RASGEF1A: variants seen among roughly 807,000 people sequenced by gnomAD.
RASGEF1A encodes ras-GEF domain-containing family member 1A.
RASGEF1A carries 18 observed loss-of-function variants against 56.4 expected under a neutral mutation model. The observed-to-expected ratio is 0.32, with a 90% CI of 0.22 to 0.47. RASGEF1A has a LOEUF of 0.47. Ranked by LOEUF, RASGEF1A falls within the 20% of genes least tolerant of loss-of-function variation. The pLI, the probability that RASGEF1A is intolerant of heterozygous loss-of-function variation, is 1.00. For missense variants in RASGEF1A, 422 were observed against 627.1 expected (o/e 0.67, Z 3.49); for synonymous variants, 245 against 242.6 (o/e 1.01, Z -0.09).
intron 1 of RASGEF1A, among the ~76,000 whole-genome samples, chr10:43,226,592 TCCCATTGTCCTGGAA>T (rs943350098): frequency 2.0e-5 from 3 of 151,304 alleles, no homozygotes; most frequent in African/African-American, 7.3e-5. Flanking sequence ...GCCTCTGAAC[TCCCATTGTCCTGGAA>T]CCCACAGGGA....
intron 1 of RASGEF1A, among the ~76,000 whole-genome samples, chr10:43,210,471 CTCAA>C (rs1394940850): frequency 2.0e-5 from 3 of 152,194 alleles, no homozygotes; most frequent in Non-Finnish European, 4.4e-5. Flanking sequence ...CAGACCCTGC[CTCAA>C]TCAATCAATA....
At chr10:43,213,365 A>G (rs1279501497) in intron 1 of RASGEF1A, among the ~76,000 whole-genome samples, 1 of 152,214 alleles carries the variant, frequency 6.6e-6, no homozygotes, top group Admixed American at 6.5e-5. Flanking sequence ...CATATGAATA[A>G]AAGAAAAGAA....
intron 1 of RASGEF1A, among the ~76,000 whole-genome samples, chr10:43,227,096 G>A (rs1025160981): frequency 2.0e-5 from 3 of 152,192 alleles, no homozygotes; most frequent in African/African-American, 7.2e-5. Context: ...AGTGGGTTAA[G>A]GGGGAAAAGG....
At chr10:43,229,342 G>T (rs959727562) in intron 1 of RASGEF1A, among the ~76,000 whole-genome samples, 6 of 152,216 alleles carry the variant, frequency 3.9e-5, no homozygotes, top group Admixed American at 3.9e-4. Context: ...CGCCCCTCAA[G>T]TCGTCCGGGC....
intron 1 of RASGEF1A, among the ~76,000 whole-genome samples, chr10:43,264,512 G>A (rs1442880039): frequency 6.6e-6 from 1 of 151,758 alleles, no homozygotes; most frequent in Non-Finnish European, 1.5e-5. Flanking sequence ...TCCCCAGCAG[G>A]GAGTGGGCAG....
chr10:43,197,953 A>G, intron 10 of RASGEF1A, 51 bp downstream of exon 10: 1 of 1,495,556 alleles, frequency 6.7e-7, no homozygotes, highest in South Asian at 1.2e-5. Context: ...TGGCGGCTCC[A>G]GTAGCTCAGA....
In RASGEF1A at chr10:43,201,878, T is replaced by G. The variant is rs752681979; in HGVS notation, c.389A>C (p.Tyr130Ser). 6.2e-7 allele frequency: 1 copy of G among 1,612,300 alleles called. No homozygotes were observed. The highest frequency in any genetic ancestry group is 1.7e-5 in the Admixed American group (1 of 59,944). ...CATGGCCTTCTCATCCTGGAAGTCA[T>G]AGGGGAAGGCCTCGGTCCACTCCTT... ...LLKEWTEAFPYDFQDEKAMAE... is the reference protein window; with the variant it reads ...LLKEWTEAFPSDFQDEKAMAE... The change falls in exon 4 of 13, where the codon TAT becomes TCT. Residue 130 changes from tyrosine (Y) to serine (S), a missense_variant. Physicochemically the swap from Tyr to Ser is moderately radical, Grantham distance 144. Transcript: ENST00000395810.
In RASGEF1A at chr10:43,196,945, G is replaced by C. The variant is rs1472986306; in HGVS notation, c.1348+31C>G. Reference sequence around the variant, plus strand: ...CTGGACAAGGAGTCAGGTGGGGTGGGAGGCATGCTGCGTTGGGAGGCAGCC... The same window carrying C: ...CTGGACAAGGAGTCAGGTGGGGTGGCAGGCATGCTGCGTTGGGAGGCAGCC... On this transcript the variant is annotated intron_variant, in intron 11 of 12. Transcript: ENST00000395810. The surrounding 1 kb of genome is among the most constrained non-coding windows in gnomAD (Gnocchi z 4.6). 5 of 1,609,692 alleles carry C rather than the reference G, an allele frequency of 3.1e-6. No individual in the cohort carries two copies. Among genetic ancestry groups the C allele is most frequent in the Non-Finnish European group, 4.2e-6 (5 of 1,178,662 alleles).
intron 1 of RASGEF1A, among the ~76,000 whole-genome samples, chr10:43,265,009 C>T (rs950683456): frequency 4.6e-5 from 7 of 152,208 alleles, no homozygotes; most frequent in African/African-American, 1.2e-4. Flanking sequence ...TGCTCAGGGG[C>T]TCCTGGCCAC....
intron 1 of RASGEF1A, among the ~76,000 whole-genome samples, chr10:43,251,835 G>T (rs1458945007): frequency 6.6e-6 from 1 of 152,208 alleles, no homozygotes; most frequent in South Asian, 2.1e-4. Context: ...GCACTGGTGT[G>T]GACCAGACCC....
intron 1 of RASGEF1A, among the ~76,000 whole-genome samples, chr10:43,244,619 A>G (rs7093409): frequency 0.18 from 26,275 of 142,718 alleles, 3,761 homozygotes; most frequent in East Asian, 0.51. Context: ...ACCACAATAA[A>G]ATAACAGAAG....
intron 1 of RASGEF1A, among the ~76,000 whole-genome samples, chr10:43,244,350 C>A (rs532040516): frequency 1.3e-5 from 2 of 150,168 alleles, no homozygotes; most frequent in African/African-American, 4.9e-5. Flanking sequence ...CTGCCACATC[C>A]CCCTCTCTGA....
chr10:43,199,140 G>A lies in RASGEF1A; in HGVS notation c.904C>T (p.Arg302Trp), dbSNP rs1230580317. Residue 302 changes from arginine (R) to tryptophan (W), a missense_variant, in exon 8 of 13, where the codon CGG (arginine) becomes TGG (tryptophan). This residue lies in a region of RASGEF1A where 149 missense variants were observed against 287.2 expected (regional missense o/e 0.52). Transcript: ENST00000395810. ...RMLEFFIDVA[R>W]ECFNIGNFNS... ...AAGTTCCCGATGTTGAAGCACTCCC[G>A]GGCCACATCAATGAAGAACTCCAAC... 2.5e-6 allele frequency: 4 copies of A among 1,613,812 alleles called. No individual in the cohort carries two copies. Among genetic ancestry groups the A allele is most frequent in the Non-Finnish European group, 3.4e-6 (4 of 1,179,998 alleles).
rs1413774188 is a variant in RASGEF1A at position 43,200,189 on chromosome 10, T to G, written c.749A>C (p.Asn250Thr). The G allele has an allele frequency of 6.2e-7, 1 of 1,600,348 alleles. No individual in the cohort carries two copies. The highest frequency in any genetic ancestry group is 8.5e-7 in the Non-Finnish European group (1 of 1,172,630). Residue 250 changes from asparagine to threonine, a missense_variant, in exon 6 of 13, where the codon AAC becomes ACC. This residue lies in a region of RASGEF1A where 273 missense variants were observed against 339.9 expected (regional missense o/e 0.80). Coordinates refer to ENST00000395810, the MANE Select transcript of RASGEF1A (RefSeq NM_145313.4). ...QIVSHMDSLD[N>T]HRCRGDLTKT... ...AGGCCTTGGCCCACTTACCCTGTGG[T>G]TGTCCAAGGAGTCCATGTGGCTGAC...
At chr10:43,244,774 A>C (rs1840551439) in intron 1 of RASGEF1A, among the ~76,000 whole-genome samples, 1 of 152,206 alleles carries the variant, frequency 6.6e-6, no homozygotes, top group African/African-American at 2.4e-5. Flanking sequence ...TGGACATGAA[A>C]ACATAACATG....
chr10:43,196,228 G>T lies in RASGEF1A; in HGVS notation c.*16C>A. 1 of 1,612,184 alleles carries T rather than the reference G, an allele frequency of 6.2e-7. No homozygotes were observed. The highest frequency in any genetic ancestry group is 1.1e-5 in the South Asian group (1 of 90,916). Reference sequence around the variant, plus strand: ...TAGTGCACGTGCTTCCTCTGGCGTCGCGGGCTGCATCCGCCTCAGGCTCTG... The same window carrying T: ...TAGTGCACGTGCTTCCTCTGGCGTCTCGGGCTGCATCCGCCTCAGGCTCTG... On this transcript the variant is annotated 3_prime_UTR_variant, in exon 13 of 13. Coordinates refer to ENST00000395810, the MANE Select transcript of RASGEF1A (RefSeq NM_145313.4). The surrounding 1 kb of genome is among the most constrained non-coding windows in gnomAD (Gnocchi z 4.6).
chr10:43,235,769 G>A (rs1022155749), intron 1 of RASGEF1A, among the ~76,000 whole-genome samples: 19 of 152,154 alleles, frequency 1.2e-4, no homozygotes, highest in Non-Finnish European at 2.2e-4. Context: ...TCCAGGGATC[G>A]GGGGGACACA....
chr10:43,216,509 T>TA (rs1394918756), intron 1 of RASGEF1A, among the ~76,000 whole-genome samples: 1 of 152,190 alleles, frequency 6.6e-6, no homozygotes, highest in African/African-American at 2.4e-5. Context: ...GCACCATGAT[T>TA]ACAAGATTCC....
intron 1 of RASGEF1A, among the ~76,000 whole-genome samples, chr10:43,214,806 TTAG>T (rs1840112034): frequency 6.6e-6 from 1 of 152,204 alleles, no homozygotes; most frequent in Non-Finnish European, 1.5e-5. Context: ...GTGTGCATCG[TTAG>T]GAGTTAGAGT....
Sources: gnomAD v4.1 joint callset for allele counts (sites outside exome capture counted in the v4.1 genomes callset) on GRCh38, gnomAD v4.1.1 for gene constraint, gnomAD v4.1.1 regional missense constraint, Gnocchi (gnomAD v3.1) non-coding constraint, MANE v1.5 for transcripts, NCBI Gene and HGNC (gene_info 2026-07-23, HGNC 2026-07-21) for gene names.